Variants in ASIC2 observed in about 807,000 individuals in gnomAD.
ASIC2 encodes the protein acid-sensing ion channel 2.
In ASIC2, 25 loss-of-function variants were observed where a neutral mutation model predicts 57.3. The observed-to-expected ratio is 0.44, with a 90% confidence interval of 0.32 to 0.61. The LOEUF (loss-of-function observed/expected upper bound fraction) is 0.61, where lower values mean the gene tolerates loss of function less well. Ranked by LOEUF, ASIC2 falls within the 20% of genes least tolerant of loss-of-function variation. The pLI is 0.06. For synonymous variants in ASIC2, 319 were observed against 307.5 expected (o/e 1.04, Z -0.39); for missense variants, 641 against 738.1 (o/e 0.87, Z 1.52).
At chr17:33,733,836 C>T (rs1004415003) in intron 1 of ASIC2, among the ~76,000 whole-genome samples, 1 of 152,102 alleles carries the variant, frequency 6.6e-6, no homozygotes, top group Non-Finnish European at 1.5e-5. Context: ...CAGTTATTGT[C>T]CTACTCTTTC....
chr17:33,822,361 T>C (rs1178760025), intron 1 of ASIC2, among the ~76,000 whole-genome samples: 17 of 152,312 alleles, frequency 1.1e-4, no homozygotes. Context: ...TGTATGTATT[T>C]TCCGTGAGGA....
chr17:33,537,548 C>T (rs1183972674), intron 1 of ASIC2, among the ~76,000 whole-genome samples: 1 of 152,172 alleles, frequency 6.6e-6, no homozygotes, highest in Admixed American at 6.5e-5. Flanking sequence ...TGGTGTCTGG[C>T]ACCAGAAGAT....
intron 1 of ASIC2, among the ~76,000 whole-genome samples, chr17:33,606,321 G>A (rs1905231650): frequency 6.6e-6 from 1 of 152,216 alleles, no homozygotes; most frequent in African/African-American, 2.4e-5. Context: ...CATCTGGTGA[G>A]TTGGCGCCAT....
chr17:34,055,908 C>A (rs116813532), intron 1 of ASIC2, among the ~76,000 whole-genome samples: 1 of 152,022 alleles, frequency 6.6e-6, no homozygotes, highest in African/African-American at 2.4e-5. Context: ...TTAATTTACA[C>A]GTTTTTAAGC....
chr17:33,101,225 T>C (rs141744090), intron 2 of ASIC2, among the ~76,000 whole-genome samples: 5 of 152,300 alleles, frequency 3.3e-5, no homozygotes, highest in African/African-American at 1.2e-4. Context: ...GCAACCATCA[T>C]CACCCACGCT....
intron 1 of ASIC2, among the ~76,000 whole-genome samples, chr17:33,892,322 C>A (rs754187499): frequency 6.6e-5 from 10 of 152,084 alleles, no homozygotes; most frequent in Non-Finnish European, 1.0e-4. Context: ...GGAGTTTGAA[C>A]TGAGATCTGA....
chr17:33,429,439 G>A (rs1911328534), intron 1 of ASIC2, among the ~76,000 whole-genome samples: 1 of 152,138 alleles, frequency 6.6e-6, no homozygotes, highest in Admixed American at 6.5e-5. Context: ...CGCCCAGGCT[G>A]GAGTGCAGTG....
intron 1 of ASIC2, among the ~76,000 whole-genome samples, chr17:33,468,539 C>T (rs113024563): frequency 6.9e-4 from 105 of 152,176 alleles, no homozygotes; most frequent in Middle Eastern, 3.4e-3. Context: ...TGCTTCAGAA[C>T]AATAATATAG....
chr17:34,023,482 C>T (rs1046820716), intron 1 of ASIC2, among the ~76,000 whole-genome samples: 2 of 152,010 alleles, frequency 1.3e-5, no homozygotes, highest in Non-Finnish European at 2.9e-5. Flanking sequence ...TGAATGTGTC[C>T]CCTCCAAAAT....
intron 1 of ASIC2, among the ~76,000 whole-genome samples, chr17:33,265,143 T>G (rs1909415600): frequency 6.6e-6 from 1 of 152,240 alleles, no homozygotes; most frequent in South Asian, 2.1e-4. Context: ...TGGGCCATTT[T>G]CTTACAGGGC....
chr17:33,607,179 C>A (rs1430656551), intron 1 of ASIC2, among the ~76,000 whole-genome samples: 1 of 152,106 alleles, frequency 6.6e-6, no homozygotes. Flanking sequence ...TTTTAGGGAG[C>A]AGACCAATAA....
At chr17:34,038,472 C>A (rs1907976975) in intron 1 of ASIC2, 1 of 1,612,254 alleles carries the variant, frequency 6.2e-7, no homozygotes, top group Non-Finnish European at 8.5e-7. Context: ...TGAATTTTCA[C>A]AGCTACGTAT....
chr17:33,247,333 T>C (rs547847360), intron 1 of ASIC2, among the ~76,000 whole-genome samples: 55 of 152,286 alleles, frequency 3.6e-4, no homozygotes, highest in Admixed American at 1.3e-3. Flanking sequence ...TTCTTTTTAG[T>C]GTGTTTGATA....
At chr17:33,956,921 G>A (rs931393412) in intron 1 of ASIC2, among the ~76,000 whole-genome samples, 1 of 152,224 alleles carries the variant, frequency 6.6e-6, no homozygotes, top group African/African-American at 2.4e-5. Context: ...TGCAAGTAGC[G>A]AGGCTTCTGT....
intron 1 of ASIC2, among the ~76,000 whole-genome samples, chr17:34,032,892 A>C (rs1398982790): frequency 6.6e-6 from 1 of 152,150 alleles, no homozygotes; most frequent in Non-Finnish European, 1.5e-5. Flanking sequence ...AAAAAGACTT[A>C]AGACTCCCAC....
chr17:34,057,064 C>G (rs551237959), intron 1 of ASIC2, among the ~76,000 whole-genome samples: 1 of 152,316 alleles, frequency 6.6e-6, no homozygotes, highest in Non-Finnish European at 1.5e-5. Flanking sequence ...ATAAAACTAT[C>G]TATTCATTCA....
chr17:34,108,345 T>C (rs921089123), intron 1 of ASIC2, among the ~76,000 whole-genome samples: 1 of 152,178 alleles, frequency 6.6e-6, no homozygotes, highest in Admixed American at 6.5e-5. Flanking sequence ...ATATGATAAA[T>C]TGTCTTTATC....
At chr17:34,039,224 T>G in intron 1 of ASIC2, 2 of 1,614,010 alleles carry the variant, frequency 1.2e-6, no homozygotes, top group Admixed American at 3.3e-5. Flanking sequence ...AGTGCAGATA[T>G]TTTTTCTATT....
At chr17:33,471,789 A>T (rs993965371) in intron 1 of ASIC2, among the ~76,000 whole-genome samples, 6 of 152,208 alleles carry the variant, frequency 3.9e-5, no homozygotes, top group African/African-American at 1.2e-4. Flanking sequence ...TTTTGATAAT[A>T]TTAATAGTAT....
Sources: gnomAD v4.1 joint callset for allele counts (sites outside exome capture counted in the v4.1 genomes callset) on GRCh38, gnomAD v4.1.1 for gene constraint, MANE v1.5 for transcripts, NCBI Gene and HGNC (gene_info 2026-07-23, HGNC 2026-07-21) for gene names.